Variants in DAB2IP observed in about 807,000 individuals in gnomAD.
DAB2IP encodes the protein DAB2 interacting protein, also known as disabled homolog 2-interacting protein.
In DAB2IP, 28 loss-of-function variants were observed where a neutral mutation model predicts 107.2. The ratio of observed to expected loss-of-function variants is 0.26; its 90% CI spans 0.19 to 0.36. The LOEUF (loss-of-function observed/expected upper bound fraction) is 0.36. Among genes scored for constraint, DAB2IP ranks in the 10% least tolerant of loss-of-function variants. The pLI is 1.00. For synonymous variants in DAB2IP, 755 were observed against 706.4 expected (o/e 1.07, Z -1.09); for missense variants, 1,400 against 1,644.7 (o/e 0.85, Z 2.57).
At chr9:121,575,325 C>G (rs1367838057) in intron 1 of DAB2IP, 3 of 153,926 alleles carry the variant, frequency 1.9e-5, no homozygotes, top group Admixed American at 6.5e-5. Flanking sequence ...CAGGGCTCCT[C>G]TCTTGTGAGG....
chr9:121,631,603 G>A (rs1831883099), intron 1 of DAB2IP, among the ~76,000 whole-genome samples: 1 of 152,036 alleles, frequency 6.6e-6, no homozygotes, highest in South Asian at 2.1e-4. Flanking sequence ...GGATAACAAG[G>A]TCAAGAGATC....
At chr9:121,625,212 C>G (rs1227745240) in intron 1 of DAB2IP, among the ~76,000 whole-genome samples, 1 of 150,884 alleles carries the variant, frequency 6.6e-6, no homozygotes, top group African/African-American at 2.4e-5. Context: ...AGCTGCAGTG[C>G]CAACATAGAT....
rs1742814632 is a variant in DAB2IP at position 121,701,090 on chromosome 9, C to G, written c.362+1632C>G. Among the ~76,000 whole-genome samples the G allele has an allele frequency of 6.6e-6, 1 of 152,252 alleles. No individual in the cohort carries two copies. The highest frequency in any genetic ancestry group is 2.4e-5 in the African/African-American group (1 of 41,466). On this transcript the variant is annotated intron_variant, in intron 3 of 15. Coordinates refer to ENST00000408936, the Ensembl canonical transcript of DAB2IP. This position sits in a 1 kb window ranked among gnomAD's most constrained non-coding sequence, Gnocchi z 4.7. ...TTTCCTTGGCGGGGGTCAGGACCCT[C>G]TGCACCCGCATGCGGGGGCTTGTGT...
At chr9:121,667,936 G>A (rs369021433) in intron 1 of DAB2IP, among the ~76,000 whole-genome samples, 8 of 152,292 alleles carry the variant, frequency 5.3e-5, no homozygotes, top group African/African-American at 1.7e-4. Context: ...GAATCATGGC[G>A]GGAGGTGAAA....
At chr9:121,697,917 C>T (rs1336241550) in intron 2 of DAB2IP, among the ~76,000 whole-genome samples, 3 of 152,192 alleles carry the variant, frequency 2.0e-5, no homozygotes, top group Non-Finnish European at 4.4e-5. Context: ...TTGGGTAAGT[C>T]ACTTTACCTG....
At chr9:121,773,339 C>G (rs1834918548) in exon 12 of DAB2IP, 1 of 1,571,410 alleles carries the variant, frequency 6.4e-7, no homozygotes, top group Non-Finnish European at 8.6e-7. Flanking sequence ...GGACGCCCCC[C>G]AACCTGCTGA....
intron 2 of DAB2IP, among the ~76,000 whole-genome samples, chr9:121,691,109 A>G (rs1829139116): frequency 6.6e-6 from 1 of 152,228 alleles, no homozygotes; most frequent in African/African-American, 2.4e-5. Flanking sequence ...AGAGCACTTT[A>G]TCTTTTTCCT....
intron 1 of DAB2IP, among the ~76,000 whole-genome samples, chr9:121,587,088 G>A (rs751858980): frequency 6.6e-5 from 10 of 152,134 alleles, no homozygotes; most frequent in Non-Finnish European, 1.0e-4. Context: ...GTAACCTGAC[G>A]AAAAAGACAA....
At position 121,780,542 on chromosome 9, in the gene DAB2IP, G is replaced by A. The variant is rs1835537277; in HGVS notation, c.3315-922G>A. On this transcript the variant is annotated intron_variant, in intron 14 of 15. Coordinates refer to ENST00000408936, the Ensembl canonical transcript of DAB2IP. ...GATGGAGAGAAGCCTTGGGAGTGGA[G>A]GGCTCATCTAAGAGTGTGTGGAGCA... Among the ~76,000 whole-genome samples, 5 of 152,206 alleles carry A rather than the reference G, an allele frequency of 3.3e-5. No homozygotes were observed. In the South Asian group the frequency reaches 8.3e-4, roughly 25 times the overall value.
chr9:121,592,414 C>T (rs952411885), intron 1 of DAB2IP, among the ~76,000 whole-genome samples: 1 of 152,106 alleles, frequency 6.6e-6, no homozygotes, highest in African/African-American at 2.4e-5. Context: ...GCTGGGTCAG[C>T]TTCCTGTCTG....
chr9:121,754,441 G>A (rs1833337177), intron 3 of DAB2IP, among the ~76,000 whole-genome samples: 2 of 152,160 alleles, frequency 1.3e-5, no homozygotes, highest in Admixed American at 1.3e-4. Context: ...CCCTGGGCCT[G>A]CCCTGCCCCT....
chr9:121,657,976 G>A (rs1274306603), intron 1 of DAB2IP, among the ~76,000 whole-genome samples: 2 of 152,150 alleles, frequency 1.3e-5, no homozygotes, highest in Admixed American at 6.5e-5. Context: ...CGAGAAATCC[G>A]GGTCTGGAAC....
chr9:121,674,035 C>G (rs1457218089), intron 1 of DAB2IP, among the ~76,000 whole-genome samples: 1 of 152,216 alleles, frequency 6.6e-6, no homozygotes, highest in Non-Finnish European at 1.5e-5. Context: ...GCCTCGGGAA[C>G]CACGGGGCAG....
At chr9:121,614,461 C>A (rs1317936578) in intron 1 of DAB2IP, among the ~76,000 whole-genome samples, 1 of 151,458 alleles carries the variant, frequency 6.6e-6, no homozygotes, top group Non-Finnish European at 1.5e-5. Context: ...CTGCCTCAGC[C>A]TCCCAAGTAG....
chr9:121,721,083 A>G (rs1314648615), intron 3 of DAB2IP, among the ~76,000 whole-genome samples: 1 of 152,162 alleles, frequency 6.6e-6, no homozygotes, highest in Admixed American at 6.5e-5. Flanking sequence ...ATCACTGTCC[A>G]TGGGCTGGGG....
intron 1 of DAB2IP, among the ~76,000 whole-genome samples, chr9:121,577,785 G>A (rs560945932): frequency 2.6e-5 from 4 of 152,314 alleles, no homozygotes; most frequent in African/African-American, 9.6e-5. Flanking sequence ...GGTGGAGGGC[G>A]GGGACCTCAA....
At chr9:121,706,719 T>C (rs578244798) in intron 3 of DAB2IP, among the ~76,000 whole-genome samples, 1 of 152,300 alleles carries the variant, frequency 6.6e-6, no homozygotes, top group South Asian at 2.1e-4. Context: ...GGCATGCCTG[T>C]GTTACCATCC....
intron 1 of DAB2IP, among the ~76,000 whole-genome samples, chr9:121,615,310 T>G (rs1192216980): frequency 2.0e-5 from 3 of 152,244 alleles, no homozygotes; most frequent in Non-Finnish European, 4.4e-5. Flanking sequence ...AGAAACCTGC[T>G]GAGATTTGTT....
At chr9:121,770,156 C>T (rs761147645) in intron 10 of DAB2IP, among the ~76,000 whole-genome samples, 1 of 152,132 alleles carries the variant, frequency 6.6e-6, no homozygotes, top group Non-Finnish European at 1.5e-5. Flanking sequence ...CCAGCCCATC[C>T]CGTGGAGTAA....
Sources: gnomAD v4.1 joint callset for allele counts (sites outside exome capture counted in the v4.1 genomes callset) on GRCh38, gnomAD v4.1.1 for gene constraint, Gnocchi (gnomAD v3.1) non-coding constraint, MANE v1.5 for transcripts, NCBI Gene and HGNC (gene_info 2026-07-23, HGNC 2026-07-21) for gene names.